ARFGEF1: variants seen among roughly 807,000 people sequenced by gnomAD.
The protein encoded by ARFGEF1 is ARF guanine nucleotide exchange factor 1, also known as brefeldin A-inhibited guanine nucleotide-exchange protein 1.
ARFGEF1 carries 42 observed loss-of-function variants against 231.0 expected under a neutral mutation model. The ratio of observed to expected loss-of-function variants is 0.18; its 90% CI spans 0.14 to 0.24. The LOEUF is 0.24. Among genes scored for constraint, ARFGEF1 ranks in the 10% least tolerant of loss-of-function variants. The pLI is 1.00. For missense variants in ARFGEF1, 1,345 were observed against 2,192.0 expected (o/e 0.61, Z 7.72); for synonymous variants, 710 against 732.3 (o/e 0.97, Z 0.49).
intron 5 of ARFGEF1, chr8:67,177,624 T>A: frequency 8.9e-7 from 1 of 1,123,662 alleles, no homozygotes; most frequent in African/African-American, 1.6e-5. Context: ...AAATTTAATT[T>A]ATATAGTAAG....
At chr8:67,236,368 A>ATATATATATATATATG (rs1839762946) in intron 22 of ARFGEF1, among the ~76,000 whole-genome samples, 1 of 26,228 alleles carries the variant, frequency 3.8e-5, no homozygotes, top group African/African-American at 1.7e-4. Flanking sequence ...AAAAAAAAAT[A>ATATATATATATATATG]TATATATATA....
In ARFGEF1 at chr8:67,302,472, G is replaced by T; in HGVS notation, c.125-6C>A. ...AGTTTCCGCTTTTATTTCCTCTGAG[G>T]GGAAAAAAAAAGAAGCATACATTAG... On this transcript the variant is annotated splice_polypyrimidine_tract_variant and splice_region_variant and intron_variant, in intron 1 of 38. Coordinates refer to ENST00000262215, the MANE Select transcript of ARFGEF1 (RefSeq NM_006421.5). 6.4e-7 allele frequency: 1 copy of T among 1,556,540 alleles called. No homozygotes were observed. Among genetic ancestry groups the T allele is most frequent in the Non-Finnish European group, 8.6e-7 (1 of 1,156,250 alleles).
intron 19 of ARFGEF1, among the ~76,000 whole-genome samples, chr8:67,241,534 C>A (rs998481341): frequency 6.6e-6 from 1 of 152,078 alleles, no homozygotes; most frequent in Non-Finnish European, 1.5e-5. Flanking sequence ...TATCAAATTA[C>A]AACTAAATAA....
At chr8:67,297,777 T>C (rs866611750) in intron 4 of ARFGEF1, among the ~76,000 whole-genome samples, 3 of 151,524 alleles carry the variant, frequency 2.0e-5, no homozygotes, top group Non-Finnish European at 2.9e-5. Context: ...AAACTATACA[T>C]GATAGGTCAA....
intron 29 of ARFGEF1, among the ~76,000 whole-genome samples, chr8:67,223,634 T>G (rs753276609): frequency 6.6e-6 from 1 of 152,178 alleles, no homozygotes; most frequent in Non-Finnish European, 1.5e-5. Context: ...ACAACTGGAA[T>G]CTACCCATAA....
intron 5 of ARFGEF1, among the ~76,000 whole-genome samples, chr8:67,296,168 G>C (rs1001078065): frequency 2.6e-5 from 4 of 152,132 alleles, no homozygotes; most frequent in Admixed American, 2.6e-4. Flanking sequence ...TAATTCATAA[G>C]TACTTCCACA....
chr8:67,266,762 A>G (rs1013072949), intron 13 of ARFGEF1, 114 bp downstream of exon 13: 13 of 677,276 alleles, frequency 1.9e-5, no homozygotes, highest in Admixed American at 6.6e-5. Flanking sequence ...ATGTTTCCTC[A>G]TCAGTTAAAT....
At chr8:67,200,006 A>G (rs1018718682) in intron 38 of ARFGEF1, 7 of 327,626 alleles carry the variant, frequency 2.1e-5, no homozygotes, top group Non-Finnish European at 4.3e-5. Flanking sequence ...TGCAGCCCAG[A>G]GCACAGGCCC....
At chr8:67,244,645 T>C (rs1840050082) in intron 19 of ARFGEF1, among the ~76,000 whole-genome samples, 1 of 149,218 alleles carries the variant, frequency 6.7e-6, no homozygotes, top group African/African-American at 2.5e-5. Flanking sequence ...AAGAAAGAAT[T>C]AGTAAGCGTG....
At chr8:67,312,260 A>C (rs79408206) in intron 1 of ARFGEF1, among the ~76,000 whole-genome samples, 5 of 151,584 alleles carry the variant, frequency 3.3e-5, no homozygotes, top group African/African-American at 9.7e-5. Context: ...AAAAAAAAAA[A>C]CAACACACAC....
At chr8:67,222,210 C>T (rs1423517273) in intron 29 of ARFGEF1, among the ~76,000 whole-genome samples, 2 of 130,396 alleles carry the variant, frequency 1.5e-5, no homozygotes, top group African/African-American at 3.1e-5. Context: ...TATATACACA[C>T]ACATATATAT....
At chr8:67,282,772 C>T (rs563710230) in intron 7 of ARFGEF1, among the ~76,000 whole-genome samples, 30 of 151,010 alleles carry the variant, frequency 2.0e-4, no homozygotes, top group South Asian at 2.1e-4. Context: ...TGCTTGAACC[C>T]GATAGGCAGA....
intron 38 of ARFGEF1, 143 bp downstream of exon 38, chr8:67,200,253 C>T (rs778884707): frequency 1.4e-6 from 1 of 718,024 alleles, no homozygotes; most frequent in Non-Finnish European, 2.6e-6. Context: ...AGCAAGGCCA[C>T]TGGTGGCTTT....
chr8:67,252,282 C>CAAA (rs57653248), intron 18 of ARFGEF1, among the ~76,000 whole-genome samples: 18 of 21,862 alleles, frequency 8.2e-4, no homozygotes, highest in African/African-American at 1.4e-3. Context: ...AACTCCATCT[C>CAAA]AAAAAAAAAA....
Position 67,198,941 on chromosome 8 carries a change from T to C in ARFGEF1, c.5543A>G (p.Lys1848Arg). 1 of 1,613,256 alleles carries C rather than the reference T, an allele frequency of 6.2e-7. No homozygotes were observed. The highest frequency in any genetic ancestry group is 1.3e-5 in the African/African-American group (1 of 74,964). The change falls in exon 39 of 39, where the codon AAG becomes AGG. Residue 1848 changes from lysine (K) to arginine (R), a missense_variant. Around this residue, in one of 14 missense-constraint regions of ARFGEF1, gnomAD observed 161 missense variants for 284.9 expected, o/e 0.57. Transcript: ENST00000262215. ...AAAAATATTAAGTTCCCATCATTGC[T>C]TGTTTATTCCAAGTTCCTGTTCAGG... ...QPPEQELGIN[K>R]Q
At chr8:67,195,324 T>G (rs1837701115), downstream of ARFGEF1, 2 of 1,055,222 alleles carry the variant, frequency 1.9e-6, no homozygotes, top group Non-Finnish European at 3.0e-6. Flanking sequence ...AGACCTGCGC[T>G]TATGTCTCCT....
At chr8:67,310,643 G>A (rs1376893799) in intron 1 of ARFGEF1, among the ~76,000 whole-genome samples, 19 of 151,958 alleles carry the variant, frequency 1.3e-4, no homozygotes, top group Admixed American at 1.2e-3. Flanking sequence ...ATCACATCTA[G>A]GAAGTGAGGA....
intron 22 of ARFGEF1, among the ~76,000 whole-genome samples, 167 bp downstream of exon 22, chr8:67,238,176 C>A (rs1336347753): frequency 6.6e-6 from 1 of 152,184 alleles, no homozygotes. Context: ...ATGTTGCAAA[C>A]CAGACCAGGC....
At chr8:67,300,166 C>T (rs1041586666) in intron 3 of ARFGEF1, among the ~76,000 whole-genome samples, 15 of 152,058 alleles carry the variant, frequency 9.9e-5, no homozygotes, top group African/African-American at 3.6e-4. Context: ...TATCAGTATA[C>T]CCTGGAAGGA....
Sources: allele counts gnomAD v4.1 joint callset (sites outside exome capture counted in the v4.1 genomes callset), GRCh38; gene constraint gnomAD v4.1.1; regional missense constraint gnomAD v4.1.1; transcripts MANE v1.5; gene names NCBI Gene and HGNC (gene_info 2026-07-23, HGNC 2026-07-21).